The following ZDHHC14 variants were observed in gnomAD, a reference collection of about 807,000 sequenced individuals.
The protein encoded by ZDHHC14 is palmitoyltransferase ZDHHC14.
ZDHHC14 carries 16 observed loss-of-function variants against 47.7 expected under a neutral mutation model. That is an observed-to-expected ratio of 0.34 (90% CI 0.23 to 0.51). The LOEUF is 0.51. Ranked by LOEUF, ZDHHC14 falls within the 20% of genes least tolerant of loss-of-function variation. ZDHHC14 has a pLI of 0.97. For synonymous variants in ZDHHC14, 293 were observed against 278.9 expected (o/e 1.05, Z -0.50); for missense variants, 515 against 662.5 (o/e 0.78, Z 2.44).
intron 1 of ZDHHC14, among the ~76,000 whole-genome samples, chr6:157,534,685 G>A (rs762673929): frequency 2.6e-5 from 4 of 151,936 alleles, no homozygotes; most frequent in Non-Finnish European, 5.9e-5. Context: ...GCCTCCCAGG[G>A]TCAAGCCAGC....
intron 3 of ZDHHC14, among the ~76,000 whole-genome samples, chr6:157,621,905 G>A (rs1785205355): frequency 6.6e-6 from 1 of 152,008 alleles, no homozygotes; most frequent in South Asian, 2.1e-4. Flanking sequence ...CTAATCTGAG[G>A]AAAGGCACAG....
chr6:157,616,926 G>A (rs1485143368), intron 3 of ZDHHC14, among the ~76,000 whole-genome samples: 1 of 152,182 alleles, frequency 6.6e-6, no homozygotes, highest in African/African-American at 2.4e-5. Flanking sequence ...GGACCCTGGG[G>A]TTCCCTTGGC....
At chr6:157,455,673 G>A (rs1318554201) in intron 1 of ZDHHC14, among the ~76,000 whole-genome samples, 4 of 152,190 alleles carry the variant, frequency 2.6e-5, no homozygotes, top group African/African-American at 4.8e-5. Context: ...TCGCTCCTCC[G>A]GCAGGAACCG....
intron 1 of ZDHHC14, among the ~76,000 whole-genome samples, chr6:157,441,098 A>G (rs9505861): frequency 0.26 from 39,687 of 152,096 alleles, 5,608 homozygotes; most frequent in Admixed American, 0.4. Flanking sequence ...TGTGGCTGTG[A>G]TAGTTTTGTG....
chr6:157,614,616 C>T (rs1000482157), intron 3 of ZDHHC14, among the ~76,000 whole-genome samples: 1 of 152,118 alleles, frequency 6.6e-6, no homozygotes, highest in Non-Finnish European at 1.5e-5. Flanking sequence ...AATCGCTAGA[C>T]ATCGATCTGC....
rs573272192 is a variant in ZDHHC14, at chr6:157,501,314, A to C, written c.246-41271A>C. Among the ~76,000 whole-genome samples, 3 of 152,322 alleles carry C rather than the reference A, an allele frequency of 2.0e-5. 1 individual carries two copies. In the East Asian group the frequency reaches 5.8e-4, roughly 29 times the overall value. On this transcript the variant is annotated intron_variant, in intron 1 of 8. Coordinates refer to ENST00000359775, the MANE Select transcript of ZDHHC14 (RefSeq NM_024630.3). The stretch of plus-strand genomic sequence containing the variant: ...ATGGTTTCTAAATTTGTCTAAGACA[A>C]CTATGCAATTGTTTAGGGTGCTTTT...
chr6:157,531,024 T>G (rs1484175307), intron 1 of ZDHHC14, among the ~76,000 whole-genome samples: 1 of 152,020 alleles, frequency 6.6e-6, no homozygotes, highest in Non-Finnish European at 1.5e-5. Context: ...GAGAGATCGT[T>G]AGCTCAGAGG....
At position 157,406,294 on chromosome 6, in the gene ZDHHC14, G is replaced by A. The variant is rs554794797; in HGVS notation, c.245+24028G>A. ...GTTGAAAGGATTTGAAAGTCGAAGG[G>A]ATCCGTGTATCTGTTTGGCTATTCT... is the stretch of plus-strand genomic sequence containing the variant. On this transcript the variant is annotated intron_variant, in intron 1 of 8. Coordinates refer to ENST00000359775, the MANE Select transcript of ZDHHC14 (RefSeq NM_024630.3). 1.4e-3 allele frequency among the ~76,000 whole-genome samples: 214 copies of A among 152,280 alleles called. 1 individual carries two copies. Among genetic ancestry groups the A allele is most frequent in the Middle Eastern group, 3.4e-3 (1 of 294 alleles).
intron 1 of ZDHHC14, among the ~76,000 whole-genome samples, chr6:157,534,787 C>T (rs751468675): frequency 5.3e-5 from 8 of 151,688 alleles, no homozygotes; most frequent in Middle Eastern, 3.4e-3. Context: ...GACGGGGTTT[C>T]GCCATGTTGC....
chr6:157,433,726 C>T (rs113804453), intron 1 of ZDHHC14, among the ~76,000 whole-genome samples: 1,740 of 152,288 alleles, frequency 0.011, 36 homozygotes, highest in African/African-American at 0.04. Context: ...ACAGACACCC[C>T]CACTCATGAT....
intron 1 of ZDHHC14, among the ~76,000 whole-genome samples, chr6:157,490,100 A>G (rs1392529096): frequency 6.6e-6 from 1 of 152,122 alleles, no homozygotes; most frequent in African/African-American, 2.4e-5. Context: ...CAGTTTCTAG[A>G]TAGAGAAACA....
At chr6:157,411,850 A>G in intron 1 of ZDHHC14, among the ~76,000 whole-genome samples, 1 of 151,812 alleles carries the variant, frequency 6.6e-6, no homozygotes, top group East Asian at 1.9e-4. Flanking sequence ...CAATTGGTGC[A>G]TTAGTGTGAC....
chr6:157,469,299 G>C (rs956505508), intron 1 of ZDHHC14, among the ~76,000 whole-genome samples: 3 of 152,176 alleles, frequency 2.0e-5, no homozygotes, highest in African/African-American at 2.4e-5. Context: ...TGAATGACTA[G>C]GGTTGTACAC....
intron 3 of ZDHHC14, among the ~76,000 whole-genome samples, chr6:157,605,902 A>G (rs1303775506): frequency 6.6e-6 from 1 of 152,144 alleles, no homozygotes; most frequent in East Asian, 1.9e-4. Flanking sequence ...AGGAGTAGAG[A>G]AGGTAACCAT....
chr6:157,567,552 T>A (rs62423200), intron 2 of ZDHHC14, among the ~76,000 whole-genome samples: 74,868 of 151,650 alleles, frequency 0.49, 19,260 homozygotes, highest in African/African-American at 0.66. Context: ...GCCGTGGCTT[T>A]TGCCTGTAAT....
In ZDHHC14 at chr6:157,662,344, G is replaced by A. The variant is rs904289665; in HGVS notation, c.1068+8717G>A. Among the ~76,000 whole-genome samples, 8 of 152,158 alleles carry A rather than the reference G, an allele frequency of 5.3e-5. No homozygotes were observed. In the South Asian group the frequency reaches 8.3e-4, roughly 16 times the overall value. Reference sequence around the variant, plus strand: ...TTACAGGTGCGCGCCATCATGCCTGGCTAATTTTTGTATTTTTAGTACAGA... The same window carrying A: ...TTACAGGTGCGCGCCATCATGCCTGACTAATTTTTGTATTTTTAGTACAGA... On this transcript the variant is annotated intron_variant, in intron 8 of 8. Coordinates refer to ENST00000359775, the MANE Select transcript of ZDHHC14 (RefSeq NM_024630.3).
intron 7 of ZDHHC14, among the ~76,000 whole-genome samples, chr6:157,650,816 G>T (rs1479921289): frequency 2.0e-5 from 3 of 152,156 alleles, no homozygotes; most frequent in African/African-American, 7.2e-5. Flanking sequence ...CTTGAGCTCT[G>T]CCCCCACCCA....
rs745545999 is a variant in ZDHHC14 at position 157,653,639 on chromosome 6, G to A, written c.1068+12G>A. On this transcript the variant is annotated intron_variant, in intron 8 of 8. Coordinates refer to ENST00000359775, the MANE Select transcript of ZDHHC14 (RefSeq NM_024630.3). ...CACAGAGTGACATGGTAGGAGTGGG[G>A]GCCACTGCTCCCTGCGAGGGCTTCC... The A allele has an allele frequency of 5.6e-6, 9 of 1,606,534 alleles. No homozygotes were observed. Among genetic ancestry groups the A allele is most frequent in the African/African-American group, 2.7e-5 (2 of 74,790 alleles).
At chr6:157,654,113 A>T (rs1473590683) in intron 8 of ZDHHC14, among the ~76,000 whole-genome samples, 2 of 152,218 alleles carry the variant, frequency 1.3e-5, no homozygotes, top group Non-Finnish European at 1.5e-5. Context: ...GCAAATGATC[A>T]GACCAGGTGT....
Sources: allele counts gnomAD v4.1 joint callset (sites outside exome capture counted in the v4.1 genomes callset), GRCh38; gene constraint gnomAD v4.1.1; transcripts MANE v1.5; gene names NCBI Gene and HGNC (gene_info 2026-07-23, HGNC 2026-07-21).